The following PCSK6 variants were observed in gnomAD, a reference collection of about 807,000 sequenced individuals.
The protein encoded by PCSK6 is proprotein convertase subtilisin/kexin type 6.
In PCSK6, 85 loss-of-function variants were observed where a neutral mutation model predicts 123.3. That is an observed-to-expected ratio of 0.69 (90% CI 0.58 to 0.83). The LOEUF is 0.83. Among genes scored for constraint, PCSK6 ranks in the 40% least tolerant of loss-of-function variants. The pLI is 0.00. For synonymous variants in PCSK6, 508 were observed against 516.0 expected, an observed-to-expected ratio of 0.98 and a Z score of 0.21; for missense variants, 1,191 against 1,282.3, an observed-to-expected ratio of 0.93 and a Z score of 1.09.
intron 15 of PCSK6, among the ~76,000 whole-genome samples, chr15:101,329,131 C>T (rs971752272): frequency 6.6e-6 from 1 of 152,206 alleles, no homozygotes; most frequent in Non-Finnish European, 1.5e-5. Flanking sequence ...GCTGAACAGC[C>T]TGGCTAGCGG....
intron 15 of PCSK6, among the ~76,000 whole-genome samples, chr15:101,327,249 AAAC>A (rs1033061871): frequency 2.0e-5 from 3 of 152,172 alleles, no homozygotes; most frequent in East Asian, 1.9e-4. Flanking sequence ...GTTGTTGGAA[AAAC>A]AACTGAGAAC....
intron 6 of PCSK6, among the ~76,000 whole-genome samples, chr15:101,403,427 TTA>T (rs2042667601): frequency 6.9e-5 from 6 of 86,902 alleles, no homozygotes; most frequent in Non-Finnish European, 1.1e-4. Context: ...ATAATAATAA[TTA>T]AAAAAAAAGA....
intron 2 of PCSK6, among the ~76,000 whole-genome samples, chr15:101,443,169 G>C (rs1309393389): frequency 3.3e-5 from 5 of 152,216 alleles, no homozygotes; most frequent in African/African-American, 9.6e-5. Flanking sequence ...AGGAAAAAAA[G>C]TCATAGTTAC....
intron 1 of PCSK6, among the ~76,000 whole-genome samples, chr15:101,451,274 C>G (rs1412836735): frequency 6.6e-6 from 1 of 150,542 alleles, no homozygotes; most frequent in Non-Finnish European, 1.5e-5. Flanking sequence ...CGAATCTACC[C>G]CAAATGACAT....
chr15:101,488,921 GC>G (rs2058087235), intron 1 of PCSK6, among the ~76,000 whole-genome samples: 1 of 150,462 alleles, frequency 6.6e-6, no homozygotes. Flanking sequence ...CGGAGCTCGC[GC>G]CGCCCGTCGA....
In PCSK6 at chr15:101,447,353, C is replaced by T. The variant is rs556824862; in HGVS notation, c.298-3693G>A. Reference sequence around the variant, plus strand: ...TGAAGGACACCTGGCTGCCCTCTGGCCCTGACTCACAGATTAGGGTGTGAC... The same window carrying T: ...TGAAGGACACCTGGCTGCCCTCTGGTCCTGACTCACAGATTAGGGTGTGAC... On this transcript the variant is annotated intron_variant, in intron 1 of 21. Transcript: ENST00000611716. Among the ~76,000 whole-genome samples the T allele has an allele frequency of 2.6e-5, 4 of 152,312 alleles. No individual in the cohort carries two copies. In the South Asian group the frequency reaches 8.3e-4, roughly 32 times the overall value.
chr15:101,453,644 C>A (rs1190762232), intron 1 of PCSK6, among the ~76,000 whole-genome samples: 2 of 152,216 alleles, frequency 1.3e-5, no homozygotes, highest in African/African-American at 4.8e-5. Flanking sequence ...CACTGTGTAG[C>A]CTGCCTAACA....
chr15:101,318,500 AGAG>A (rs2040045342), intron 18 of PCSK6, 78 bp from the exon 19 acceptor site: 1 of 1,197,220 alleles, frequency 8.4e-7, no homozygotes, highest in South Asian at 1.3e-5. Context: ...ACCTTTCCCA[AGAG>A]GAGATGTAAG....
At position 101,322,526 on chromosome 15, in the gene PCSK6, C is replaced by G. The variant is rs1031933416; in HGVS notation, c.2459G>C (p.Gly820Ala). Residue 820 changes from glycine to alanine, a missense_variant, in exon 18 of 22, where the codon GGA becomes GCA. This residue lies in a region of PCSK6 where 630 missense variants were observed against 631.4 expected (regional missense o/e 1.00). Coordinates refer to ENST00000611716, the MANE Select transcript of PCSK6 (RefSeq NM_002570.5). ...EPEKCTVCKE[G>A]FSLARGSCIP... Reference sequence around the variant, plus strand: ...GGTTTCGAGGGGGTTTTACCTGAATCCTTCTTTACAGACAGTACATTTCTC... The same window carrying G: ...GGTTTCGAGGGGGTTTTACCTGAATGCTTCTTTACAGACAGTACATTTCTC... 8.1e-6 allele frequency: 13 copies of G among 1,611,900 alleles called. No homozygotes were observed. Among genetic ancestry groups the G allele is most frequent in the Non-Finnish European group, 1.0e-5 (12 of 1,178,066 alleles).
intron 13 of PCSK6, among the ~76,000 whole-genome samples, chr15:101,343,195 TA>T (rs142031447): frequency 0.047 from 7,101 of 151,104 alleles, 298 homozygotes; most frequent in East Asian, 0.12. Flanking sequence ...TTTTAATGTA[TA>T]TAGGATCTAT....
intron 11 of PCSK6, among the ~76,000 whole-genome samples, chr15:101,373,720 C>T (rs988856354): frequency 6.6e-6 from 1 of 152,148 alleles, no homozygotes; most frequent in Non-Finnish European, 1.5e-5. Flanking sequence ...AACTCCAAGA[C>T]AGAAAGTAGA....
Position 101,398,609 on chromosome 15 carries a change from C to T in PCSK6, c.824-33G>A, listed in dbSNP as rs943192653. On this transcript the variant is annotated intron_variant, in intron 6 of 21. Coordinates refer to ENST00000611716, the MANE Select transcript of PCSK6 (RefSeq NM_002570.5). This position sits in a 1 kb window ranked among gnomAD's most constrained non-coding sequence, Gnocchi z 4.6. ...CACAGAGGAGGCTCGGTGTCGGCGC[C>T]CAGGCTCCGGGCACACAGCGACGGG... The T allele has an allele frequency of 1.3e-6, 2 of 1,591,432 alleles. No individual in the cohort carries two copies. The highest frequency in any genetic ancestry group is 2.7e-5 in the African/African-American group (2 of 74,640).
chr15:101,411,347 G>C (rs1253460911), intron 6 of PCSK6, among the ~76,000 whole-genome samples: 1 of 152,176 alleles, frequency 6.6e-6, no homozygotes, highest in Non-Finnish European at 1.5e-5. Context: ...GGCTGGTGCA[G>C]TGAGACAGGG....
chr15:101,375,084 C>T (rs1354599858), intron 11 of PCSK6, among the ~76,000 whole-genome samples: 9 of 151,994 alleles, frequency 5.9e-5, no homozygotes, highest in Non-Finnish European at 1.2e-4. Flanking sequence ...TCCTGAGTAG[C>T]TGGGACTACA....
intron 13 of PCSK6, 141 bp from the exon 14 acceptor site, chr15:101,332,172 C>A (rs1378876696): frequency 3.4e-5 from 24 of 703,138 alleles, no homozygotes; most frequent in Non-Finnish European, 4.6e-5. Context: ...ACCTGCTGGC[C>A]AGCTGTGCAC....
chr15:101,324,340 GCAGCTCTGCCGAGGAGGGCTCTCCCC>G (rs925159352), intron 17 of PCSK6, among the ~76,000 whole-genome samples: 2 of 152,182 alleles, frequency 1.3e-5, no homozygotes, highest in African/African-American at 4.8e-5. Flanking sequence ...TTTCATCTCC[GCAGCTCTGCCGAGGAGGGCTCTCCCC>G]CAGCTCTGAC....
Position 101,398,977 on chromosome 15 carries a change from A to G in PCSK6, c.824-401T>C, listed in dbSNP as rs915094086. ...GAGGGCAGTGGTGCAATCTCGGCTCACTGCAAGCTCCACCTCCCGGGTTCA... is the reference window on the plus strand; with the variant it reads ...GAGGGCAGTGGTGCAATCTCGGCTCGCTGCAAGCTCCACCTCCCGGGTTCA... On this transcript the variant is annotated intron_variant, in intron 6 of 21. Coordinates refer to ENST00000611716, the MANE Select transcript of PCSK6 (RefSeq NM_002570.5). The surrounding 1 kb of genome is among the most constrained non-coding windows in gnomAD (Gnocchi z 4.6). 2.6e-5 allele frequency among the ~76,000 whole-genome samples: 4 copies of G among 152,156 alleles called. No homozygotes were observed. Among genetic ancestry groups the G allele is most frequent in the South Asian group, 4.1e-4 (2 of 4,820 alleles).
At chr15:101,349,738 G>A (rs753731261) in intron 13 of PCSK6, among the ~76,000 whole-genome samples, 1 of 152,122 alleles carries the variant, frequency 6.6e-6, no homozygotes, top group Admixed American at 6.5e-5. Flanking sequence ...TGCAGCCAGC[G>A]TGGGACCCAG....
intron 1 of PCSK6, among the ~76,000 whole-genome samples, chr15:101,466,325 G>T (rs746741370): frequency 3.3e-5 from 5 of 152,162 alleles, no homozygotes; most frequent in Non-Finnish European, 4.4e-5. Flanking sequence ...CTCCATCTAT[G>T]AGATGGGTGC....
Sources: allele counts gnomAD v4.1 joint callset (sites outside exome capture counted in the v4.1 genomes callset), GRCh38; gene constraint gnomAD v4.1.1; regional missense constraint gnomAD v4.1.1; non-coding constraint Gnocchi (gnomAD v3.1); transcripts MANE v1.5; gene names NCBI Gene and HGNC (gene_info 2026-07-23, HGNC 2026-07-21).